MBNL2: variants seen among roughly 807,000 people sequenced by gnomAD.
MBNL2 encodes muscleblind like splicing regulator 2.
In MBNL2, 17 loss-of-function variants were observed where a neutral mutation model predicts 41.9. The observed-to-expected ratio is 0.41, with a 90% CI of 0.28 to 0.61. MBNL2 has a LOEUF of 0.61. Ranked by LOEUF, MBNL2 falls within the 20% of genes least tolerant of loss-of-function variation. The probability of loss-of-function intolerance (pLI) is 0.35; values close to 1 mark genes in which losing one functional copy is unlikely to be tolerated. For missense variants in MBNL2, 336 were observed against 505.6 expected (o/e 0.66, Z 3.22); for synonymous variants, 195 against 182.9 (o/e 1.07, Z -0.53).
At chr13:97,270,660 A>T (rs1223495941) in intron 1 of MBNL2, among the ~76,000 whole-genome samples, 1 of 152,180 alleles carries the variant, frequency 6.6e-6, no homozygotes, top group Non-Finnish European at 1.5e-5. Context: ...GTTGCTGGTG[A>T]TTTCTGCCTT....
chr13:97,180,959 T>C, the MBNL2 span, among the ~76,000 whole-genome samples: 2,005 of 152,230 alleles, frequency 0.013, 52 homozygotes, highest in African/African-American at 0.045. Flanking sequence ...TAAGGGATAA[T>C]CTATTCTCTT....
chr13:97,164,167 C>T, the MBNL2 span, among the ~76,000 whole-genome samples: 2 of 152,122 alleles, frequency 1.3e-5, no homozygotes, highest in Non-Finnish European at 2.9e-5. Flanking sequence ...CCACCATGTC[C>T]AGCTAATTTT....
chr13:97,344,447 A>G (rs1264410007), intron 4 of MBNL2, among the ~76,000 whole-genome samples: 1 of 152,252 alleles, frequency 6.6e-6, no homozygotes, highest in Admixed American at 6.5e-5. Context: ...TGGGATTATT[A>G]GAGAATGTTC....
intron 1 of MBNL2, among the ~76,000 whole-genome samples, chr13:97,255,884 A>G (rs2047433101): frequency 6.6e-6 from 1 of 152,214 alleles, no homozygotes; most frequent in African/African-American, 2.4e-5. Flanking sequence ...GGGGAAGCCA[A>G]AAGCATCAGC....
chr13:97,212,772 C>T, the MBNL2 span, among the ~76,000 whole-genome samples: 1 of 152,276 alleles, frequency 6.6e-6, no homozygotes, highest in Admixed American at 6.5e-5. Flanking sequence ...CTCTCTTTGT[C>T]GTCAACACTA....
chr13:97,191,372 T>C, the MBNL2 span, among the ~76,000 whole-genome samples: 2 of 149,886 alleles, frequency 1.3e-5, no homozygotes, highest in African/African-American at 4.9e-5. Context: ...AACTCTGGCC[T>C]TGAGGAGTCC....
intron 8 of MBNL2, among the ~76,000 whole-genome samples, chr13:97,375,772 A>C (rs538385436): frequency 1.9e-4 from 29 of 152,338 alleles, no homozygotes; most frequent in African/African-American, 6.0e-4. Flanking sequence ...TGTGTGGTTT[A>C]GAAAGGAACT....
At chr13:97,300,081 T>C (rs1297217865) in intron 2 of MBNL2, among the ~76,000 whole-genome samples, 1 of 151,960 alleles carries the variant, frequency 6.6e-6, no homozygotes, top group African/African-American at 2.4e-5. Flanking sequence ...TACAGCCAGG[T>C]CCCAACCAGC....
intron 2 of MBNL2, among the ~76,000 whole-genome samples, chr13:97,293,985 C>A (rs980445988): frequency 2.6e-5 from 4 of 152,078 alleles, no homozygotes; most frequent in Non-Finnish European, 1.5e-5. Flanking sequence ...CAATTTTCTT[C>A]AATTTATTCT....
the MBNL2 span, among the ~76,000 whole-genome samples, chr13:97,158,146 T>G: frequency 2.6e-5 from 4 of 152,080 alleles, no homozygotes; most frequent in African/African-American, 7.2e-5. Flanking sequence ...GTCAAGGAAT[T>G]TATCCATTTC....
chr13:97,358,575 T>A (rs74106938), intron 7 of MBNL2, among the ~76,000 whole-genome samples: 3,427 of 152,216 alleles, frequency 0.023, 123 homozygotes, highest in African/African-American at 0.079. Flanking sequence ...CACCGACATC[T>A]CTAACCACAG....
the MBNL2 span, among the ~76,000 whole-genome samples, chr13:97,147,618 G>A: frequency 6.6e-6 from 1 of 152,236 alleles, no homozygotes; most frequent in South Asian, 2.1e-4. Flanking sequence ...ATATAATAGA[G>A]CCAATGAAAA....
At chr13:97,296,975 G>T (rs981993150) in intron 2 of MBNL2, among the ~76,000 whole-genome samples, 3 of 152,150 alleles carry the variant, frequency 2.0e-5, no homozygotes, top group African/African-American at 7.2e-5. Flanking sequence ...ATAGGAAAGG[G>T]CATCCCAGTC....
At chr13:97,319,148 A>G (rs2059293357) in intron 2 of MBNL2, among the ~76,000 whole-genome samples, 1 of 152,176 alleles carries the variant, frequency 6.6e-6, no homozygotes, top group African/African-American at 2.4e-5. Flanking sequence ...GGAGGGAGGC[A>G]GGTTCTCAGA....
chr13:97,305,168 A>G (rs938321197), intron 2 of MBNL2, among the ~76,000 whole-genome samples: 3 of 152,212 alleles, frequency 2.0e-5, no homozygotes, highest in Non-Finnish European at 4.4e-5. Flanking sequence ...TTGACTTCTT[A>G]TCAGGAGTTC....
At chr13:97,380,757 AC>A (rs1165479383) in intron 8 of MBNL2, among the ~76,000 whole-genome samples, 1 of 152,126 alleles carries the variant, frequency 6.6e-6, no homozygotes, top group African/African-American at 2.4e-5. Context: ...ATAAAGAAAT[AC>A]AAGATAATGT....
the MBNL2 span, among the ~76,000 whole-genome samples, chr13:97,211,722 A>C: frequency 1.3e-5 from 2 of 152,230 alleles, no homozygotes; most frequent in African/African-American, 4.8e-5. Flanking sequence ...TATACCCATG[A>C]CATGATCCCT....
intron 1 of MBNL2, among the ~76,000 whole-genome samples, chr13:97,234,958 A>C (rs1157763405): frequency 6.6e-6 from 1 of 152,172 alleles, no homozygotes; most frequent in Non-Finnish European, 1.5e-5. Flanking sequence ...TCCAGTCAAC[A>C]GCAGGCTGCA....
Position 97,366,321 on chromosome 13 carries a change from G to T in MBNL2, c.1048+1150G>T. ...TTTCTCTCCCATGCTTCCTTGCTTT[G>T]CATTGTGATTGCATGCCATCTGCTG... On this transcript the variant is annotated intron_variant, in intron 8 of 8. Coordinates refer to ENST00000679496, the MANE Select transcript of MBNL2 (RefSeq NM_001382683.1). This position sits in a 1 kb window ranked among gnomAD's most constrained non-coding sequence, Gnocchi z 4.7. 1.7e-6 allele frequency: 1 copy of T among 581,984 alleles called. No homozygotes were observed. The highest frequency in any genetic ancestry group is 2.7e-5 in the East Asian group (1 of 36,534). The allele number at this position is 581,984 out of a possible 1,614,324, so 36.1% of individuals were successfully genotyped here. A position where few individuals can be genotyped will look rare whatever the true frequency, so the allele number is the denominator to read the frequency against.
Sources: gnomAD v4.1 joint callset for allele counts (sites outside exome capture counted in the v4.1 genomes callset) on GRCh38, gnomAD v4.1.1 for gene constraint, Gnocchi (gnomAD v3.1) non-coding constraint, MANE v1.5 for transcripts, NCBI Gene and HGNC (gene_info 2026-07-23, HGNC 2026-07-21) for gene names.